Variants in MEIOSIN observed in about 807,000 individuals in gnomAD.
The protein encoded by MEIOSIN is meiosis initiator.
A neutral mutation model predicts 23.4 loss-of-function variants in MEIOSIN; 18 were observed. The ratio of observed to expected loss-of-function variants is 0.77; its 90% CI spans 0.53 to 1.14. The LOEUF (loss-of-function observed/expected upper bound fraction) is 1.14, where lower values mean the gene tolerates loss of function less well. MEIOSIN is among the 50% of genes most tolerant of loss of function. The pLI, the probability that MEIOSIN is intolerant of heterozygous loss-of-function variation, is 0.00. For missense variants in MEIOSIN, 428 were observed against 242.9 expected, an observed-to-expected ratio of 1.76 and a Z score of -5.07; for synonymous variants, 187 against 100.6, an observed-to-expected ratio of 1.86 and a Z score of -5.14.
intron 5 of MEIOSIN, among the ~76,000 whole-genome samples, chr19:45,751,790 G>C (rs1411397882): frequency 6.6e-6 from 1 of 151,742 alleles, no homozygotes; most frequent in Non-Finnish European, 1.5e-5. Flanking sequence ...GAGTGCAGTG[G>C]CGTGATCTTG....
rs376553147 is a variant in MEIOSIN at position 45,740,277 on chromosome 19, A to G, written c.176+547A>G. ...TTGTAAAGGAGGAAGAAACAGGCAC[A>G]GAGAAGTGAAAGCAGTTGCCCAAAG... is the stretch of plus-strand genomic sequence containing the variant. On this transcript the variant is annotated intron_variant, in intron 3 of 14. Transcript: ENST00000457052. 1.1e-4 allele frequency among the ~76,000 whole-genome samples: 17 copies of G among 152,360 alleles called. No homozygotes were observed. In the East Asian group the frequency reaches 2.1e-3, roughly 19 times the overall value.
Position 45,754,663 on chromosome 19 carries a change from A to C in MEIOSIN, c.741A>C (p.Gly247=), listed in dbSNP as rs775966362. The C allele has an allele frequency of 2.8e-5, 20 of 702,954 alleles. No individual in the cohort carries two copies. The highest frequency in any genetic ancestry group is 5.2e-5 in the Non-Finnish European group (20 of 385,032). The allele number at this position is 702,954 out of a possible 1,614,324, so 43.5% of individuals were successfully genotyped here. The change falls in exon 7 of 15, where the codon GGA becomes GGC. Residue 247 remains glycine, a synonymous_variant. Transcript: ENST00000457052. ...CCTCACCTCCAGGTGACAGAAAAGG[A>C]GGACAGTCCCAGCTGACGCTGTTGG... is the stretch of plus-strand genomic sequence containing the variant. ...ASSSPPGDRK[G]GQSQLTLLDL...
chr19:45,760,164 G>C (rs1385080809), intron 11 of MEIOSIN, among the ~76,000 whole-genome samples: 2 of 151,058 alleles, frequency 1.3e-5, no homozygotes, highest in African/African-American at 4.9e-5. Context: ...TTACAGATAA[G>C]GAAATTGAAA....
Position 45,764,304 on chromosome 19 carries a change from A to T in MEIOSIN, c.*186A>T, listed in dbSNP as rs1338654291. The T allele has an allele frequency of 5.1e-6, 2 of 395,206 alleles. No homozygotes were observed. Among genetic ancestry groups the T allele is most frequent in the African/African-American group, 4.1e-5 (2 of 48,578 alleles). The allele number at this position is 395,206 out of a possible 1,614,324, so 24.5% of individuals were successfully genotyped here. A position where few individuals can be genotyped will look rare whatever the true frequency, so the allele number is the denominator to read the frequency against. ...TGGGCACATTTGCCTGGAGCACCAG[A>T]GTCACCCACAGCTGCCTTGATTCTC... On this transcript the variant is annotated 3_prime_UTR_variant, in exon 15 of 15. Coordinates refer to ENST00000457052, the MANE Select transcript of MEIOSIN (RefSeq NM_001310124.2).
intron 9 of MEIOSIN, 68 bp from the exon 10 acceptor site, chr19:45,758,810 G>A: frequency 1.5e-6 from 1 of 668,910 alleles, no homozygotes; most frequent in South Asian, 1.5e-5. Context: ...TCTCCTCAAT[G>A]CCAGCTGCTG....
intron 2 of MEIOSIN, among the ~76,000 whole-genome samples, chr19:45,737,586 C>A (rs1457967459): frequency 6.6e-6 from 1 of 151,728 alleles, no homozygotes; most frequent in Non-Finnish European, 1.5e-5. Flanking sequence ...CCACATCAGC[C>A]TCCCAAGTAT....
intron 9 of MEIOSIN, among the ~76,000 whole-genome samples, chr19:45,758,612 TAG>T (rs557628634): frequency 7.4e-4 from 113 of 152,132 alleles, no homozygotes; most frequent in Non-Finnish European, 1.3e-3. Context: ...TATTTTTTAG[TAG>T]AGACGGGGTT....
chr19:45,748,639 A>G (rs1968637382), intron 4 of MEIOSIN, among the ~76,000 whole-genome samples: 1 of 152,208 alleles, frequency 6.6e-6, no homozygotes, highest in East Asian at 1.9e-4. Context: ...ATGATGCCCA[A>G]TTGCTTTCTA....
intron 4 of MEIOSIN, among the ~76,000 whole-genome samples, chr19:45,750,360 CTTTTTTTT>C (rs11295860): frequency 4.1e-5 from 4 of 98,526 alleles, no homozygotes; most frequent in Non-Finnish European, 4.1e-5. Flanking sequence ...TTTTCTTTTT[CTTTTTTTT>C]TTTTTTTTTG....
chr19:45,754,427 A>G (rs899760189), intron 6 of MEIOSIN, 52 bp from the exon 7 acceptor site: 18 of 671,770 alleles, frequency 2.7e-5, no homozygotes, highest in African/African-American at 5.3e-5. Context: ...TATTCTGGTG[A>G]CAGGCAGGTG....
At chr19:45,755,214 A>G in intron 7 of MEIOSIN, among the ~76,000 whole-genome samples, 1 of 146,886 alleles carries the variant, frequency 6.8e-6, no homozygotes, top group African/African-American at 2.5e-5. Flanking sequence ...CAGTGGTACA[A>G]TCTCGGCTCA....
chr19:45,746,571 G>A (rs1208158713), intron 4 of MEIOSIN, among the ~76,000 whole-genome samples: 1 of 152,096 alleles, frequency 6.6e-6, no homozygotes, highest in African/African-American at 2.4e-5. Flanking sequence ...AGCGGGCTCA[G>A]TAGTTTGGGA....
intron 3 of MEIOSIN, among the ~76,000 whole-genome samples, chr19:45,744,122 G>T (rs1968551689): frequency 6.6e-6 from 1 of 151,652 alleles, no homozygotes. Flanking sequence ...CGCCTCTCAG[G>T]TTCAAGCAAT....
intron 5 of MEIOSIN, among the ~76,000 whole-genome samples, chr19:45,752,192 A>G (rs916940550): frequency 1.3e-5 from 2 of 151,810 alleles, no homozygotes; most frequent in Non-Finnish European, 2.9e-5. Context: ...AGCTTGTACT[A>G]CAGGCACGTG....
At chr19:45,761,184 G>A (rs949583040) in intron 11 of MEIOSIN, among the ~76,000 whole-genome samples, 5 of 150,278 alleles carry the variant, frequency 3.3e-5, no homozygotes, top group South Asian at 2.1e-4. Context: ...GAGTGCAGTG[G>A]TACGATCTCG....
At chr19:45,753,911 C>G in intron 6 of MEIOSIN, 123 bp downstream of exon 6, 2 of 603,410 alleles carry the variant, frequency 3.3e-6, no homozygotes, top group South Asian at 4.0e-5. Flanking sequence ...CAACTCCCAG[C>G]TCCTCCTTGT....
intron 5 of MEIOSIN, among the ~76,000 whole-genome samples, chr19:45,751,020 C>T (rs1004643297): frequency 4.6e-5 from 7 of 152,144 alleles, no homozygotes; most frequent in Non-Finnish European, 7.3e-5. Context: ...TGCCTGTACT[C>T]CCGGCACTTT....
At chr19:45,749,801 G>A (rs369789840) in intron 4 of MEIOSIN, among the ~76,000 whole-genome samples, 1 of 150,644 alleles carries the variant, frequency 6.6e-6, no homozygotes, top group East Asian at 2.0e-4. Flanking sequence ...TCAGGAGTTC[G>A]TGACCAGCCT....
chr19:45,742,768 G>A (rs1968528629), intron 3 of MEIOSIN, among the ~76,000 whole-genome samples: 1 of 152,042 alleles, frequency 6.6e-6, no homozygotes, highest in Non-Finnish European at 1.5e-5. Context: ...CTGCACTCCA[G>A]CCTGGGTGAC....
Sources: allele counts gnomAD v4.1 joint callset (sites outside exome capture counted in the v4.1 genomes callset), GRCh38; gene constraint gnomAD v4.1.1; transcripts MANE v1.5; gene names NCBI Gene and HGNC (gene_info 2026-07-23, HGNC 2026-07-21).